CENPC: variants seen among roughly 807,000 people sequenced by gnomAD.
CENPC encodes the protein centromere protein C, also known as CENP-C 1.
A neutral mutation model predicts 112.1 loss-of-function variants in CENPC; 63 were observed. The observed-to-expected ratio is 0.56, with a 90% confidence interval of 0.46 to 0.69. The LOEUF (loss-of-function observed/expected upper bound fraction) is 0.69. Among genes scored for constraint, CENPC ranks in the 30% least tolerant of loss-of-function variants. CENPC has a pLI of 0.00. For missense variants in CENPC, 1,000 were observed against 1,103.8 expected, an observed-to-expected ratio of 0.91 and a Z score of 1.33; for synonymous variants, 333 against 367.6, an observed-to-expected ratio of 0.91 and a Z score of 1.08.
At chr4:67,539,023 C>G (rs1726807648) in intron 4 of CENPC, among the ~76,000 whole-genome samples, 1 of 152,014 alleles carries the variant, frequency 6.6e-6, no homozygotes, top group South Asian at 2.1e-4. Flanking sequence ...ATACCAAAGC[C>G]CTGTAAGAAC....
intron 12 of CENPC, among the ~76,000 whole-genome samples, chr4:67,504,092 C>A (rs200558679): frequency 0.018 from 1,983 of 113,292 alleles, no homozygotes; most frequent in Middle Eastern, 0.031. Flanking sequence ...GTGAATGGGG[C>A]AAAAAAAAAA....
intron 12 of CENPC, among the ~76,000 whole-genome samples, chr4:67,499,135 G>A (rs989004813): frequency 3.9e-5 from 6 of 152,180 alleles, no homozygotes; most frequent in African/African-American, 1.4e-4. Context: ...TACTAATAGA[G>A]CAAAGTAGAT....
chr4:67,482,810 G>A (rs1025898775), intron 17 of CENPC, among the ~76,000 whole-genome samples: 1 of 152,186 alleles, frequency 6.6e-6, no homozygotes, highest in Non-Finnish European at 1.5e-5. Context: ...CTGTTCAGGT[G>A]ATAGGTGCAC....
At chr4:67,521,958 T>A (rs1726241380) in intron 5 of CENPC, among the ~76,000 whole-genome samples, 1 of 152,194 alleles carries the variant, frequency 6.6e-6, no homozygotes, top group Admixed American at 6.5e-5. Context: ...GTTTAATGGG[T>A]ACAGTGTTTC....
In CENPC at chr4:67,469,190, CAAT is replaced by C. The variant is rs916888390; in HGVS notation, c.*3412_*3414del. 1 of 152,008 alleles carries C rather than the reference CAAT, an allele frequency of 6.6e-6. No individual in the cohort carries two copies. The highest frequency in any genetic ancestry group is 1.5e-5 in the Non-Finnish European group (1 of 68,012). 9.4% of individuals were successfully genotyped at this position (152,008 alleles called of 1,614,324 possible). A position where few individuals can be genotyped will look rare whatever the true frequency, so the allele number is the denominator to read the frequency against. ...CAACAAACTGTGGAATCCTATCCAA[CAAT>C]AAAAATTAGAAAAATCATTAAAAAA... On this transcript the variant is annotated 3_prime_UTR_variant, in exon 19 of 19. Coordinates refer to ENST00000273853, the MANE Select transcript of CENPC (RefSeq NM_001812.4).
intron 12 of CENPC, among the ~76,000 whole-genome samples, chr4:67,502,266 G>A (rs1392957112): frequency 6.6e-6 from 1 of 152,066 alleles, no homozygotes; most frequent in Non-Finnish European, 1.5e-5. Context: ...AAGTATATCT[G>A]TTGACAATAA....
intron 6 of CENPC, among the ~76,000 whole-genome samples, chr4:67,518,851 T>C (rs909925393): frequency 1.3e-5 from 2 of 152,198 alleles, no homozygotes; most frequent in African/African-American, 2.4e-5. Context: ...CCACAAAGCA[T>C]AGCATCCTCA....
At chr4:67,526,414 G>C (rs1726382671) in intron 5 of CENPC, among the ~76,000 whole-genome samples, 1 of 151,370 alleles carries the variant, frequency 6.6e-6, no homozygotes, top group African/African-American at 2.4e-5. Flanking sequence ...CAGATGATTA[G>C]AAAAAATGGA....
intron 16 of CENPC, among the ~76,000 whole-genome samples, chr4:67,491,468 TATATATATATATAG>T (rs1218764801): frequency 2.3e-3 from 126 of 54,648 alleles, no homozygotes; most frequent in African/African-American, 4.1e-3. Flanking sequence ...TATATATATA[TATATATATATATAG>T]AGAGAGAGAG....
chr4:67,479,911 G>A lies in CENPC; in HGVS notation c.2671-4933C>T, dbSNP rs1274460592. 3.9e-5 allele frequency among the ~76,000 whole-genome samples: 6 copies of A among 152,270 alleles called. No homozygotes were observed. The East Asian group carries it at 9.6e-4, about 24-fold the overall frequency. On this transcript the variant is annotated intron_variant, in intron 17 of 18. Coordinates refer to ENST00000273853, the MANE Select transcript of CENPC (RefSeq NM_001812.4). The stretch of plus-strand genomic sequence containing the variant: ...ATACAAACCAGACCTAGATGAGACA[G>A]ATAAATTCCTGGAAATATACAACTC...
intron 5 of CENPC, among the ~76,000 whole-genome samples, chr4:67,530,090 C>G (rs904019133): frequency 2.0e-5 from 3 of 151,922 alleles, no homozygotes; most frequent in African/African-American, 7.3e-5. Context: ...TGGTTAAAGA[C>G]TTAATTTTAT....
chr4:67,496,662 C>G (rs1303085742), intron 12 of CENPC, among the ~76,000 whole-genome samples: 1 of 152,092 alleles, frequency 6.6e-6, no homozygotes, highest in African/African-American at 2.4e-5. Flanking sequence ...CTGTCAGAAA[C>G]AGGCAAATCT....
chr4:67,527,411 T>C (rs1482571269), intron 5 of CENPC, among the ~76,000 whole-genome samples: 1 of 151,160 alleles, frequency 6.6e-6, no homozygotes, highest in African/African-American at 2.4e-5. Flanking sequence ...AAACATCTAT[T>C]AAAAACTTAT....
intron 7 of CENPC, 127 bp from the exon 8 acceptor site, chr4:67,514,814 C>A (rs1726011246): frequency 1.1e-6 from 1 of 947,892 alleles, no homozygotes; most frequent in African/African-American, 1.7e-5. Flanking sequence ...CTCAATTTTC[C>A]CTTAATCTTA....
chr4:67,498,051 C>A (rs932005896), intron 12 of CENPC, among the ~76,000 whole-genome samples: 2 of 151,620 alleles, frequency 1.3e-5, no homozygotes, highest in Non-Finnish European at 2.9e-5. Flanking sequence ...ACCAACATGG[C>A]GAAACCCCAT....
rs1411306363 is a variant in CENPC, at chr4:67,514,666, T to A, written c.852A>T (p.Ala284=). 4 of 1,607,662 alleles carry A rather than the reference T, an allele frequency of 2.5e-6. No individual in the cohort carries two copies. The highest frequency in any genetic ancestry group is 3.4e-6 in the Non-Finnish European group (4 of 1,177,258). The stretch of plus-strand genomic sequence containing the variant: ...GAGGACACGAATGAGGTGGAGCAGT[T>A]GCCGCATGCCTAACAATGGGACTGA... ...SESSPIVRHA[A]TAPPHSCPPD... The change falls in exon 8 of 19, where the codon GCA becomes GCT. Residue 284 remains alanine (A), a synonymous_variant. Coordinates refer to ENST00000273853, the MANE Select transcript of CENPC (RefSeq NM_001812.4).
At chr4:67,528,554 T>C (rs571865543) in intron 5 of CENPC, among the ~76,000 whole-genome samples, 1 of 152,358 alleles carries the variant, frequency 6.6e-6, no homozygotes, top group Admixed American at 6.5e-5. Context: ...CTCATGTAAG[T>C]AGAACTACAA....
intron 4 of CENPC, among the ~76,000 whole-genome samples, chr4:67,533,586 A>G (rs1726623592): frequency 6.6e-6 from 1 of 152,254 alleles, no homozygotes; most frequent in African/African-American, 2.4e-5. Context: ...TAGATGAGAC[A>G]TGTCAGCAAA....
At position 67,470,635 on chromosome 4, in the gene CENPC, T is replaced by C. The variant is rs901606897; in HGVS notation, c.*1970A>G. 1 of 151,506 alleles carries C rather than the reference T, an allele frequency of 6.6e-6. No homozygotes were observed. The highest frequency in any genetic ancestry group is 1.5e-5 in the Non-Finnish European group (1 of 67,942). The allele number at this position is 151,506 out of a possible 1,614,324, so 9.4% of individuals were successfully genotyped here. On this transcript the variant is annotated 3_prime_UTR_variant, in exon 19 of 19. Transcript: ENST00000273853. ...TAAAGAAAAAATATTGCTAAAGCTT[T>C]GGAAAAGAACTGTTGGAATCTGTGG...
Sources: gnomAD v4.1 joint callset for allele counts (sites outside exome capture counted in the v4.1 genomes callset) on GRCh38, gnomAD v4.1.1 for gene constraint, MANE v1.5 for transcripts, NCBI Gene and HGNC (gene_info 2026-07-23, HGNC 2026-07-21) for gene names.